WIPF2: variants seen among roughly 807,000 people sequenced by gnomAD.
WIPF2 encodes WAS/WASL interacting protein family member 2, also known as WAS/WASL-interacting protein family member 2.
A neutral mutation model predicts 38.8 loss-of-function variants in WIPF2; 23 were observed. The ratio of observed to expected loss-of-function variants is 0.59; its 90% CI spans 0.43 to 0.84. The LOEUF (loss-of-function observed/expected upper bound fraction) is 0.84. WIPF2 is among the 40% of genes least tolerant of loss of function. The probability of loss-of-function intolerance (pLI) is 0.00; values close to 1 mark genes in which losing one functional copy is unlikely to be tolerated. For synonymous variants in WIPF2, 210 were observed against 223.2 expected (o/e 0.94, Z 0.53); for missense variants, 574 against 580.5 (o/e 0.99, Z 0.11).
chr17:40,224,317 C>T (rs1203223259), intron 1 of WIPF2, among the ~76,000 whole-genome samples: 11 of 148,788 alleles, frequency 7.4e-5, no homozygotes, highest in East Asian at 3.9e-4. Flanking sequence ...CTGCAAGCTC[C>T]GCCTCCCAGG....
At position 40,236,166 on chromosome 17, in the gene WIPF2, C is replaced by A. The variant is rs182650650; in HGVS notation, c.-70+16674C>A. ...TTTGGTGACTAAAGGGTTTCATTCA[C>A]CGTGTTGGCCATGCTGGTCTCGAAC... On this transcript the variant is annotated intron_variant, in intron 1 of 7. Transcript: ENST00000323571. Among the ~76,000 whole-genome samples, 358 of 151,372 alleles carry A rather than the reference C, an allele frequency of 2.4e-3. 2 individuals carry two copies. Among genetic ancestry groups the A allele is most frequent in the Non-Finnish European group, 8.7e-4 (59 of 67,822 alleles).
At position 40,269,751 on chromosome 17, in the gene WIPF2, C is replaced by A. The variant is rs140770735; in HGVS notation, c.971-4039C>A. The stretch of plus-strand genomic sequence containing the variant: ...TCCCGAGTAGCTGGGACTGCAGGCA[C>A]CCGCTACCATACCCGACTAATTTTT... On this transcript the variant is annotated intron_variant, in intron 5 of 7. Transcript: ENST00000323571. Among the ~76,000 whole-genome samples the A allele has an allele frequency of 2.0e-4, 30 of 150,612 alleles. 1 individual carries two copies. In the East Asian group the frequency reaches 6.1e-3, roughly 31 times the overall value.
At chr17:40,252,506 A>G (rs1463256602) in intron 1 of WIPF2, among the ~76,000 whole-genome samples, 2 of 152,080 alleles carry the variant, frequency 1.3e-5, no homozygotes, top group African/African-American at 4.8e-5. Context: ...TCTACTAAAA[A>G]TACAGAAATT....
chr17:40,255,205 TG>T (rs1258288820), intron 1 of WIPF2, among the ~76,000 whole-genome samples: 1 of 152,060 alleles, frequency 6.6e-6, no homozygotes, highest in East Asian at 1.9e-4. Flanking sequence ...ATTAAAAATA[TG>T]GGCCAGCCAG....
chr17:40,263,231 G>A (rs1042510705), intron 4 of WIPF2, among the ~76,000 whole-genome samples: 53 of 152,234 alleles, frequency 3.5e-4, no homozygotes, highest in African/African-American at 1.3e-3. Context: ...ATGGTTTCAG[G>A]ATGAAACTGT....
intron 1 of WIPF2, among the ~76,000 whole-genome samples, chr17:40,250,217 A>ATTTTTTTTT (rs1567716394): frequency 2.5e-5 from 2 of 80,304 alleles, no homozygotes; most frequent in African/African-American, 9.9e-5. Flanking sequence ...GAATTTTATC[A>ATTTTTTTTT]TGTTTTTTTT....
intron 1 of WIPF2, among the ~76,000 whole-genome samples, chr17:40,222,482 T>G (rs928464025): frequency 1.3e-5 from 2 of 150,810 alleles, no homozygotes; most frequent in Non-Finnish European, 3.0e-5. Flanking sequence ...CACTCCAGCC[T>G]GGGCAACAAG....
At chr17:40,224,406 ATTT>A (rs67838907) in intron 1 of WIPF2, among the ~76,000 whole-genome samples, 3 of 89,130 alleles carry the variant, frequency 3.4e-5, no homozygotes, top group Non-Finnish European at 7.2e-5. Flanking sequence ...GATTTTTTGT[ATTT>A]TTTTTTTTTT....
intron 7 of WIPF2, 141 bp downstream of exon 7, chr17:40,277,325 G>T (rs953578092): frequency 1.8e-5 from 11 of 615,730 alleles, no homozygotes; most frequent in Non-Finnish European, 2.7e-5. Flanking sequence ...AAGGTGGGTG[G>T]ATCACGAGGT....
intron 1 of WIPF2, among the ~76,000 whole-genome samples, chr17:40,222,653 A>T (rs1598460975): frequency 2.5e-5 from 2 of 81,508 alleles, no homozygotes; most frequent in Admixed American, 1.5e-4. Flanking sequence ...ATGCATATTC[A>T]GTTTTTTTTT....
intron 1 of WIPF2, among the ~76,000 whole-genome samples, chr17:40,250,953 A>G (rs1383269076): frequency 6.4e-5 from 8 of 124,358 alleles, no homozygotes; most frequent in African/African-American, 9.3e-5. Flanking sequence ...TCGCTTTGTC[A>G]CCTAGGCTGG....
At chr17:40,243,790 G>A (rs747493238) in intron 1 of WIPF2, among the ~76,000 whole-genome samples, 1 of 151,930 alleles carries the variant, frequency 6.6e-6, no homozygotes, top group Non-Finnish European at 1.5e-5. Flanking sequence ...CAAAGTGCTG[G>A]GATTACAGGA....
chr17:40,258,944 C>T (rs1266200818), intron 2 of WIPF2, among the ~76,000 whole-genome samples: 1 of 134,080 alleles, frequency 7.5e-6, no homozygotes, highest in Non-Finnish European at 1.5e-5. Context: ...CTGCATATAG[C>T]TAATATAAAA....
intron 5 of WIPF2, among the ~76,000 whole-genome samples, chr17:40,272,061 C>G (rs1315745536): frequency 1.3e-5 from 2 of 151,320 alleles, no homozygotes; most frequent in African/African-American, 4.9e-5. Context: ...TTCTTGTTGC[C>G]CAGGCTGGAG....
chr17:40,264,924 C>A lies in WIPF2; in HGVS notation c.748C>A (p.Pro250Thr), dbSNP rs1232628724. ...RTGPSGQSLAPPPPPYRQPPG... is the reference protein window; with the variant it reads ...RTGPSGQSLATPPPPYRQPPG... ...AGGACCAAGTGGCCAGTCTCTGGCTCCTCCTCCTCCGCCTTACCGCCAGCC... is the reference window on the plus strand; with the variant it reads ...AGGACCAAGTGGCCAGTCTCTGGCTACTCCTCCTCCGCCTTACCGCCAGCC... The change falls in exon 5 of 8, where the codon CCT (proline) becomes ACT (threonine). Residue 250 changes from proline (P) to threonine (T), a missense_variant. Transcript: ENST00000323571. 1 of 1,614,090 alleles carries A rather than the reference C, an allele frequency of 6.2e-7. No homozygotes were observed. Among genetic ancestry groups the A allele is most frequent in the African/African-American group, 1.3e-5 (1 of 74,948 alleles).
At chr17:40,277,217 T>C (rs2032430114) in intron 7 of WIPF2, 33 bp downstream of exon 7, 5 of 1,533,076 alleles carry the variant, frequency 3.3e-6, no homozygotes, top group African/African-American at 1.4e-5. Context: ...TTTTCCATAA[T>C]TGCATAGAAT....
chr17:40,226,146 C>CT (rs2030473949), intron 1 of WIPF2, among the ~76,000 whole-genome samples: 2 of 146,432 alleles, frequency 1.4e-5, no homozygotes, highest in Admixed American at 6.9e-5. Flanking sequence ...ATCCCTCTGA[C>CT]TGTGAAAACA....
At chr17:40,260,778 G>A in intron 3 of WIPF2, 111 bp downstream of exon 3, 1 of 1,422,484 alleles carries the variant, frequency 7.0e-7, no homozygotes, top group African/African-American at 1.4e-5. Flanking sequence ...TTTGTCCTGG[G>A]ATGTGCTTTG....
chr17:40,232,415 C>G (rs540145615), intron 1 of WIPF2, among the ~76,000 whole-genome samples: 1 of 151,332 alleles, frequency 6.6e-6, no homozygotes, highest in South Asian at 2.1e-4. Context: ...GTCTTGAACT[C>G]CTGACCTCAA....
Sources: allele counts gnomAD v4.1 joint callset (sites outside exome capture counted in the v4.1 genomes callset), GRCh38; gene constraint gnomAD v4.1.1; transcripts MANE v1.5; gene names NCBI Gene and HGNC (gene_info 2026-07-23, HGNC 2026-07-21).